The following NDRG4 variants were observed in gnomAD, a reference collection of about 807,000 sequenced individuals.
The protein encoded by NDRG4 is protein NDRG4.
A neutral mutation model predicts 55.8 loss-of-function variants in NDRG4; 38 were observed. The observed-to-expected ratio is 0.68, with a 90% confidence interval of 0.53 to 0.89. The LOEUF (loss-of-function observed/expected upper bound fraction) is 0.89, where lower values mean the gene tolerates loss of function less well. NDRG4 is among the 40% of genes least tolerant of loss of function. The pLI is 0.00. For synonymous variants in NDRG4, 190 were observed against 182.7 expected (o/e 1.04, Z -0.32); for missense variants, 455 against 468.6 (o/e 0.97, Z 0.27).
In NDRG4 at chr16:58,511,990, G is replaced by C; in HGVS notation, c.*414G>C. The C allele has an allele frequency of 2.2e-6, 1 of 461,486 alleles. No homozygotes were observed. The highest frequency in any genetic ancestry group is 4.3e-6 in the Non-Finnish European group (1 of 230,654). 28.6% of individuals were successfully genotyped at this position (461,486 alleles called of 1,614,324 possible). A position where few individuals can be genotyped will look rare whatever the true frequency, so the allele number is the denominator to read the frequency against. On this transcript the variant is annotated 3_prime_UTR_variant, in exon 15 of 15. Transcript: ENST00000570248. The stretch of plus-strand genomic sequence containing the variant: ...GGCCAGCTCAGGCACTGGCGTGGGA[G>C]CCCTGGGAGACCCCTTCCCCCACCC...
chr16:58,478,811 C>T (rs1797357737), intron 1 of NDRG4, among the ~76,000 whole-genome samples: 2 of 143,556 alleles, frequency 1.4e-5, no homozygotes, highest in South Asian at 4.8e-4. Flanking sequence ...CTTATTGATA[C>T]ATAAAAATTA....
intron 1 of NDRG4, among the ~76,000 whole-genome samples, chr16:58,486,314 AC>A (rs1404289230): frequency 2.0e-5 from 3 of 151,882 alleles, no homozygotes; most frequent in African/African-American, 7.3e-5. Flanking sequence ...GGCTCTCACC[AC>A]CACACCCAGC....
chr16:58,487,805 C>T (rs1454478285), exon 2 of NDRG4: 3 of 1,544,012 alleles, frequency 1.9e-6, no homozygotes, highest in African/African-American at 2.7e-5. Context: ...AGCTGCGATT[C>T]CCTGAGGAGA....
chr16:58,509,984 G>C (rs1049066958), intron 13 of NDRG4, among the ~76,000 whole-genome samples: 12 of 152,064 alleles, frequency 7.9e-5, no homozygotes, highest in African/African-American at 2.9e-4. Flanking sequence ...GTGTCTCCTT[G>C]ACTTCCCCCT....
At position 58,508,865 on chromosome 16, in the gene NDRG4, C is replaced by T; in HGVS notation, c.730-97C>T. The T allele has an allele frequency of 3.6e-6, 5 of 1,375,020 alleles. No homozygotes were observed. In the South Asian group the frequency reaches 6.2e-5, roughly 17 times the overall value. The allele number at this position is 1,375,020 out of a possible 1,614,324, so 85.2% of individuals were successfully genotyped here. Reference sequence around the variant, plus strand: ...CTGGGCCTCCCTCTGCCTCCCTGCACCCCCTCTCCTCCCCGAGCTTGGGGC... The same window carrying T: ...CTGGGCCTCCCTCTGCCTCCCTGCATCCCCTCTCCTCCCCGAGCTTGGGGC... On this transcript the variant is annotated intron_variant, in intron 10 of 14. Transcript: ENST00000570248.
chr16:58,464,829 G>A lies in NDRG4; in HGVS notation c.-24+1032G>A. On this transcript the variant is annotated intron_variant, in intron 1 of 15. Coordinates refer to the NDRG4 transcript ENST00000258187. The surrounding 1 kb of genome is among the most constrained non-coding windows in gnomAD (Gnocchi z 4.8). Reference sequence around the variant, plus strand: ...CCCGTGGGCTTCTGGCAGGACCCGCGCCATGGACCTCTTATTTCTGCGCCC... The same window carrying A: ...CCCGTGGGCTTCTGGCAGGACCCGCACCATGGACCTCTTATTTCTGCGCCC... 6 of 1,243,274 alleles carry A rather than the reference G, an allele frequency of 4.8e-6. No individual in the cohort carries two copies. The highest frequency in any genetic ancestry group is 6.1e-6 in the Non-Finnish European group (6 of 986,680). The allele number at this position is 1,243,274 out of a possible 1,614,324, so 77.0% of individuals were successfully genotyped here.
At chr16:58,508,021 CACTGGGGGTGG>C in intron 10 of NDRG4, 22 bp downstream of exon 10, 1 of 1,525,914 alleles carries the variant, frequency 6.6e-7, no homozygotes, top group Non-Finnish European at 8.9e-7. Context: ...GCTGTGGGCT[CACTGGGGGTGG>C]GAGGTAGGGG....
At chr16:58,483,564 T>C (rs1035477359) in intron 1 of NDRG4, among the ~76,000 whole-genome samples, 1 of 152,138 alleles carries the variant, frequency 6.6e-6, no homozygotes, top group African/African-American at 2.4e-5. Flanking sequence ...GGCTGTTTCC[T>C]CTCCCTCATC....
intron 13 of NDRG4, among the ~76,000 whole-genome samples, chr16:58,510,173 C>G (rs975404773): frequency 6.6e-6 from 1 of 152,226 alleles, no homozygotes; most frequent in Admixed American, 6.5e-5. Flanking sequence ...CTCTCTGGAG[C>G]AGGGCAGAGC....
intron 1 of NDRG4, among the ~76,000 whole-genome samples, chr16:58,483,143 C>T (rs562899561): frequency 2.6e-5 from 4 of 152,224 alleles, no homozygotes; most frequent in East Asian, 1.9e-4. Context: ...TTTGTTCTCC[C>T]GATTCAGCAA....
At chr16:58,500,876 C>A in intron 1 of NDRG4, 1 of 648,436 alleles carries the variant, frequency 1.5e-6, no homozygotes, top group Non-Finnish European at 2.2e-6. Context: ...CTCTGCTGCG[C>A]CAGCCGGGCA....
At chr16:58,468,962 G>A (rs527843486) in intron 1 of NDRG4, among the ~76,000 whole-genome samples, 1 of 152,204 alleles carries the variant, frequency 6.6e-6, no homozygotes, top group Non-Finnish European at 1.5e-5. Flanking sequence ...CAGAGTCAGA[G>A]CTCTAAAATG....
chr16:58,474,659 T>A (rs1286663028), intron 1 of NDRG4, among the ~76,000 whole-genome samples: 2 of 152,126 alleles, frequency 1.3e-5, no homozygotes, highest in Non-Finnish European at 2.9e-5. Flanking sequence ...CTCCCGAAGG[T>A]AGATATGTTT....
At chr16:58,484,945 A>C (rs2151661079) in intron 1 of NDRG4, among the ~76,000 whole-genome samples, 1 of 148,842 alleles carries the variant, frequency 6.7e-6, no homozygotes, top group South Asian at 2.1e-4. Context: ...ACAGTGGCGC[A>C]ATCTCGGCTC....
intron 2 of NDRG4, among the ~76,000 whole-genome samples, chr16:58,488,703 T>C (rs777690462): frequency 6.6e-6 from 1 of 151,978 alleles, no homozygotes; most frequent in Non-Finnish European, 1.5e-5. Context: ...GCAGCCAGGA[T>C]TGGAACTGTG....
intron 14 of NDRG4, 95 bp from the exon 15 acceptor site, chr16:58,511,327 G>A (rs2038777516): frequency 2.1e-6 from 3 of 1,397,754 alleles, no homozygotes; most frequent in East Asian, 2.3e-5. Flanking sequence ...TTCGAGGAAC[G>A]GTTCGCTGGC....
intron 14 of NDRG4, 24 bp from the exon 15 acceptor site, chr16:58,511,398 G>C (rs756577801): frequency 1.3e-6 from 2 of 1,586,822 alleles, no homozygotes; most frequent in Non-Finnish European, 1.7e-6. Context: ...CCAGTCCTCA[G>C]GCCCATCCTG....
At chr16:58,513,817 G>C (rs1012333567), downstream of NDRG4, among the ~76,000 whole-genome samples, 2 of 152,152 alleles carry the variant, frequency 1.3e-5, no homozygotes, top group Non-Finnish European at 2.9e-5. Context: ...AATTAGCTGA[G>C]CATGGTGGCG....
upstream of NDRG4, among the ~76,000 whole-genome samples, chr16:58,498,150 C>A (rs1156783840): frequency 1.3e-5 from 2 of 151,670 alleles, no homozygotes; most frequent in African/African-American, 4.8e-5. Context: ...TTGGAGTGGG[C>A]GTAGGATTGG....
Sources: allele counts gnomAD v4.1 joint callset (sites outside exome capture counted in the v4.1 genomes callset), GRCh38; gene constraint gnomAD v4.1.1; non-coding constraint Gnocchi (gnomAD v3.1); transcripts MANE v1.5; gene names NCBI Gene and HGNC (gene_info 2026-07-23, HGNC 2026-07-21).